ZMYM4: variants seen among roughly 807,000 people sequenced by gnomAD.
ZMYM4 encodes zinc finger MYM-type protein 4.
ZMYM4 carries 31 observed loss-of-function variants against 183.2 expected under a neutral mutation model. The observed-to-expected ratio is 0.17, with a 90% CI of 0.13 to 0.23. The LOEUF is 0.23. ZMYM4 is among the 10% of genes least tolerant of loss of function. The pLI, the probability that ZMYM4 is intolerant of heterozygous loss-of-function variation, is 1.00. For missense variants in ZMYM4, 1,273 were observed against 1,840.3 expected, an observed-to-expected ratio of 0.69 and a Z score of 5.64; for synonymous variants, 592 against 631.2, an observed-to-expected ratio of 0.94 and a Z score of 0.93.
intron 15 of ZMYM4, among the ~76,000 whole-genome samples, chr1:35,391,487 TAAGTGTAGTCTCCTTACA>T (rs1158126220): frequency 1.1e-4 from 16 of 152,288 alleles, no homozygotes; most frequent in African/African-American, 3.6e-4. Context: ...TAGAAGAATT[TAAGTGTAGTCTCCTTACA>T]AATAAAAGCA....
At position 35,405,067 on chromosome 1, in the gene ZMYM4, T is replaced by G. The variant is rs747008300; in HGVS notation, c.3573T>G (p.Ile1191Met). 1 of 1,613,926 alleles carries G rather than the reference T, an allele frequency of 6.2e-7. No individual in the cohort carries two copies. Among genetic ancestry groups the G allele is most frequent in the African/African-American group, 1.3e-5 (1 of 74,916 alleles). The change falls in exon 24 of 30, where the codon ATT becomes ATG. Residue 1191 changes from isoleucine (I) to methionine (M), a missense_variant. By Grantham distance (10) the Ile-to-Met change is conservative. Around this residue, in one of 6 missense-constraint regions of ZMYM4, gnomAD observed 133 missense variants for 155.7 expected, o/e 0.85. Transcript: ENST00000314607. ...SIVAVEPRSL[I>M]QGAFQGCSVS... ...TGGCTGTGGAGCCCAGGAGTCTTAT[T>G]CAAGGAGCCTTTCAAGGCTGCTCAG...
chr1:35,403,045 C>G (rs1452739598), intron 23 of ZMYM4, among the ~76,000 whole-genome samples: 1 of 152,126 alleles, frequency 6.6e-6, no homozygotes, highest in African/African-American at 2.4e-5. Flanking sequence ...TTCCCCTTCT[C>G]CTTTTAATTT....
Position 35,270,670 on chromosome 1 carries a change from G to T in ZMYM4, c.39+1585G>T, listed in dbSNP as rs957104835. Among the ~76,000 whole-genome samples the T allele has an allele frequency of 2.0e-4, 31 of 152,288 alleles. 1 individual carries two copies. The highest frequency in any genetic ancestry group is 5.9e-4 in the Admixed American group (9 of 15,290). ...AGCTATTCGGGAGGCTGAGGCAGGG[G>T]AATCGCTTGAACCTGGGAGGCGGTG... On this transcript the variant is annotated intron_variant, in intron 1 of 29. Coordinates refer to ENST00000314607, the MANE Select transcript of ZMYM4 (RefSeq NM_005095.3).
intron 2 of ZMYM4, among the ~76,000 whole-genome samples, chr1:35,346,644 C>T (rs539236228): frequency 3.5e-3 from 424 of 121,586 alleles, no homozygotes; most frequent in Non-Finnish European, 4.9e-3. Context: ...AAGTGAGACT[C>T]CATCTCAAAA....
At chr1:35,358,231 G>A (rs1643873152) in intron 2 of ZMYM4, among the ~76,000 whole-genome samples, 2 of 152,072 alleles carry the variant, frequency 1.3e-5, no homozygotes, top group Admixed American at 1.3e-4. Flanking sequence ...TAGGGTTAGG[G>A]CATGAATGAG....
chr1:35,333,059 G>T (rs1432125923), intron 2 of ZMYM4, among the ~76,000 whole-genome samples: 1 of 152,084 alleles, frequency 6.6e-6, no homozygotes. Context: ...AAAAGCACAT[G>T]GATGGAAGAT....
chr1:35,269,809 C>G (rs1031602579), intron 1 of ZMYM4, among the ~76,000 whole-genome samples: 1 of 152,182 alleles, frequency 6.6e-6, no homozygotes, highest in African/African-American at 2.4e-5. Context: ...TAAAGTTTGT[C>G]TGGAAACTTT....
chr1:35,356,466 T>C (rs1382006719), intron 2 of ZMYM4, among the ~76,000 whole-genome samples: 1 of 152,224 alleles, frequency 6.6e-6, no homozygotes, highest in East Asian at 1.9e-4. Context: ...TGTTTTACTA[T>C]CTGTTGTCTC....
In ZMYM4 at chr1:35,387,471, C is replaced by G. The variant is rs1440913229; in HGVS notation, c.2130C>G (p.Phe710Leu). 6.2e-7 allele frequency: 1 copy of G among 1,607,552 alleles called. No homozygotes were observed. Among genetic ancestry groups the G allele is most frequent in the Non-Finnish European group, 8.5e-7 (1 of 1,178,146 alleles). Residue 710 changes from phenylalanine (F) to leucine (L), a missense_variant, in exon 13 of 30, where the codon TTC (phenylalanine) becomes TTG (leucine). Phe to Leu is a conservative substitution (Grantham distance 22). Around this residue, in one of 6 missense-constraint regions of ZMYM4, gnomAD observed 319 missense variants for 518.1 expected, o/e 0.62. Coordinates refer to ENST00000314607, the MANE Select transcript of ZMYM4 (RefSeq NM_005095.3). ...LLDYKGKMFQ[F>L]CGKNCSDEYK... The stretch of plus-strand genomic sequence containing the variant: ...CTTTGCAGGGCAAAATGTTTCAGTT[C>G]TGTGGCAAGAATTGTTCTGATGAAT...
At chr1:35,354,399 G>A (rs1035822530) in intron 2 of ZMYM4, among the ~76,000 whole-genome samples, 8 of 152,054 alleles carry the variant, frequency 5.3e-5, no homozygotes, top group African/African-American at 1.5e-4. Flanking sequence ...TCACTCTCTT[G>A]TGAGATTATA....
intron 1 of ZMYM4, among the ~76,000 whole-genome samples, chr1:35,281,771 T>G (rs1352572192): frequency 2.0e-5 from 3 of 152,120 alleles, no homozygotes; most frequent in Non-Finnish European, 4.4e-5. Context: ...CCATTATTCA[T>G]TTCACCCACA....
chr1:35,389,936 T>C lies in ZMYM4; in HGVS notation c.2437-12T>C, dbSNP rs769057615. ...TTTGTTTCTTACTCCTTGACTACCT[T>C]CTTCTTTTTAGATGGCCAAATGTGA... On this transcript the variant is annotated splice_polypyrimidine_tract_variant and intron_variant, in intron 14 of 29. Transcript: ENST00000314607. The surrounding 1 kb of genome is among the most constrained non-coding windows in gnomAD (Gnocchi z 4.0). 1 of 1,603,368 alleles carries C rather than the reference T, an allele frequency of 6.2e-7. No homozygotes were observed. The highest frequency in any genetic ancestry group is 1.1e-5 in the South Asian group (1 of 89,986).
chr1:35,365,278 T>G (rs1265107055), intron 5 of ZMYM4, among the ~76,000 whole-genome samples: 1 of 150,420 alleles, frequency 6.6e-6, no homozygotes, highest in Non-Finnish European at 1.5e-5. Flanking sequence ...TACCAATCTT[T>G]CTGTAAATAA....
intron 7 of ZMYM4, among the ~76,000 whole-genome samples, chr1:35,372,609 G>GACAC (rs150976702): frequency 6.6e-6 from 1 of 151,994 alleles, no homozygotes; most frequent in Non-Finnish European, 1.5e-5. Flanking sequence ...TACACACACA[G>GACAC]ACACACACAC....
intron 9 of ZMYM4, among the ~76,000 whole-genome samples, chr1:35,382,145 CAA>C (rs1319746303): frequency 1.1e-5 from 1 of 92,714 alleles, no homozygotes; most frequent in Non-Finnish European, 2.3e-5. Context: ...AACTCCGTCT[CAA>C]AAAAAAAAAA....
At chr1:35,283,676 C>T (rs1459145945) in intron 1 of ZMYM4, among the ~76,000 whole-genome samples, 3 of 151,890 alleles carry the variant, frequency 2.0e-5, no homozygotes, top group Non-Finnish European at 4.4e-5. Flanking sequence ...TTGAATTTTT[C>T]CAGTGACTAA....
chr1:35,410,090 G>A (rs1339586196), intron 26 of ZMYM4, among the ~76,000 whole-genome samples: 1 of 152,104 alleles, frequency 6.6e-6, no homozygotes, highest in African/African-American at 2.4e-5. Flanking sequence ...GGGGGAGCAG[G>A]CGTCTCATGG....
chr1:35,412,448 G>A (rs761252037), intron 26 of ZMYM4, among the ~76,000 whole-genome samples: 3 of 152,130 alleles, frequency 2.0e-5, no homozygotes, highest in Non-Finnish European at 4.4e-5. Flanking sequence ...TGTTGACGAA[G>A]AATGGCAAGG....
At chr1:35,396,411 C>T in intron 18 of ZMYM4, 141 bp from the exon 19 acceptor site, 1 of 1,173,084 alleles carries the variant, frequency 8.5e-7, no homozygotes, top group African/African-American at 1.6e-5. Context: ...TTAGTTATTT[C>T]TCCTTTGTAA....
Sources: gnomAD v4.1 joint callset for allele counts (sites outside exome capture counted in the v4.1 genomes callset) on GRCh38, gnomAD v4.1.1 for gene constraint, gnomAD v4.1.1 regional missense constraint, Gnocchi (gnomAD v3.1) non-coding constraint, MANE v1.5 for transcripts, NCBI Gene and HGNC (gene_info 2026-07-23, HGNC 2026-07-21) for gene names.